CDH11: variants seen among roughly 807,000 people sequenced by gnomAD.
CDH11 encodes cadherin 11.
In CDH11, 11 loss-of-function variants were observed where a neutral mutation model predicts 67.8. The ratio of observed to expected loss-of-function variants is 0.16; its 90% CI spans 0.10 to 0.27. The LOEUF is 0.27. Ranked by LOEUF, CDH11 falls within the 10% of genes least tolerant of loss-of-function variation. The pLI is 1.00. For missense variants in CDH11, 847 were observed against 1,031.2 expected (o/e 0.82, Z 2.45); for synonymous variants, 419 against 400.0 (o/e 1.05, Z -0.57).
At chr16:64,975,826 C>T (rs1470055550) in intron 8 of CDH11, among the ~76,000 whole-genome samples, 1 of 151,916 alleles carries the variant, frequency 6.6e-6, no homozygotes, top group Non-Finnish European at 1.5e-5. Flanking sequence ...CATTAACTAA[C>T]CTACACATGT....
chr16:64,990,926 C>T (rs554479309), intron 6 of CDH11, among the ~76,000 whole-genome samples: 1 of 152,208 alleles, frequency 6.6e-6, no homozygotes, highest in African/African-American at 2.4e-5. Context: ...CTGTATTTTC[C>T]AAAACATGGC....
intron 1 of CDH11, among the ~76,000 whole-genome samples, chr16:65,091,020 T>C (rs1031946816): frequency 1.3e-5 from 2 of 152,250 alleles, no homozygotes; most frequent in African/African-American, 2.4e-5. Context: ...TGCCATAATT[T>C]CTCTACATGC....
chr16:64,991,528 T>C (rs2072628370), intron 6 of CDH11: 1 of 455,840 alleles, frequency 2.2e-6, no homozygotes, highest in African/African-American at 1.9e-5. Context: ...AAAACGATAT[T>C]TTGTTTCCAG....
At chr16:65,072,567 A>G (rs1280016660) in intron 1 of CDH11, among the ~76,000 whole-genome samples, 2 of 152,314 alleles carry the variant, frequency 1.3e-5, no homozygotes, top group Non-Finnish European at 2.9e-5. Flanking sequence ...AGTAAATGAC[A>G]TCATCTATCT....
chr16:64,977,713 T>G (rs1204243163), intron 8 of CDH11, among the ~76,000 whole-genome samples: 1 of 152,182 alleles, frequency 6.6e-6, no homozygotes, highest in African/African-American at 2.4e-5. Context: ...AATCCAGTGT[T>G]CAATACTGAC....
intron 2 of CDH11, among the ~76,000 whole-genome samples, chr16:65,032,035 T>C (rs1252440687): frequency 6.6e-6 from 1 of 152,180 alleles, no homozygotes; most frequent in East Asian, 1.9e-4. Flanking sequence ...AAAATAATTC[T>C]GTCCCATCAT....
Position 65,010,445 on chromosome 16 carries a change from T to G in CDH11, c.-172-5404A>C, listed in dbSNP as rs892665443. 3.9e-5 allele frequency among the ~76,000 whole-genome samples: 6 copies of G among 152,258 alleles called. No homozygotes were observed. In the South Asian group the frequency reaches 1.2e-3, roughly 32 times the overall value. On this transcript the variant is annotated intron_variant, in intron 2 of 12. Transcript: ENST00000268603. ...CACAGAGAATAGGGGAGAAGAAGTA[T>G]TACAAGAATTATTGAGTCACACTTC...
intron 1 of CDH11, among the ~76,000 whole-genome samples, chr16:65,097,658 A>G (rs2074922899): frequency 6.6e-6 from 1 of 152,192 alleles, no homozygotes; most frequent in Admixed American, 6.5e-5. Flanking sequence ...TTTTCTAAAA[A>G]TGTTAAGTAT....
At chr16:64,948,584 A>G in intron 12 of CDH11, 1 of 1,583,790 alleles carries the variant, frequency 6.3e-7, no homozygotes, top group Non-Finnish European at 8.7e-7. Flanking sequence ...TATTGGTCCT[A>G]TACTAACTTA....
At position 64,945,271 on chromosome 16, in the gene CDH11, A is replaced by G. The variant is rs1435856910; in HGVS notation, c.*2332T>C. ...CCAAGTTTCTAAGAGTGTTCTACAA[A>G]CAATAGAGGCTTAACGAAAAAATAA... is the stretch of plus-strand genomic sequence containing the variant. On this transcript the variant is annotated 3_prime_UTR_variant, in exon 13 of 13. Transcript: ENST00000268603. 2 of 424,092 alleles carry G rather than the reference A, an allele frequency of 4.7e-6. No individual in the cohort carries two copies. The highest frequency in any genetic ancestry group is 4.2e-5 in the African/African-American group (2 of 47,746). The allele number at this position is 424,092 out of a possible 1,614,324, so 26.3% of individuals were successfully genotyped here.
Position 64,947,405 on chromosome 16 carries a change from G to A in CDH11, c.*198C>T. 7.6e-7 allele frequency: 1 copy of A among 1,316,606 alleles called. No individual in the cohort carries two copies. Among genetic ancestry groups the A allele is most frequent in the African/African-American group, 1.5e-5 (1 of 67,576 alleles). 81.6% of individuals were successfully genotyped at this position (1,316,606 alleles called of 1,614,324 possible). ...AAGTTGATAAACAACTTCAATATTT[G>A]CCTTTTTGTGAGAAAAGGTATTTCA... On this transcript the variant is annotated 3_prime_UTR_variant, in exon 13 of 13. Coordinates refer to ENST00000268603, the MANE Select transcript of CDH11 (RefSeq NM_001797.4).
chr16:65,055,618 T>C (rs1358009059), intron 1 of CDH11, among the ~76,000 whole-genome samples: 3 of 152,188 alleles, frequency 2.0e-5, no homozygotes, highest in Non-Finnish European at 2.9e-5. Context: ...CCATACTGAT[T>C]GTGTCTCAGA....
chr16:64,997,267 T>C (rs1398155862), intron 4 of CDH11, among the ~76,000 whole-genome samples: 1 of 149,598 alleles, frequency 6.7e-6, no homozygotes, highest in Non-Finnish European at 1.5e-5. Flanking sequence ...ATTACGGCAC[T>C]CCAGCCTGAG....
chr16:65,002,917 ATTTTCTTT>A (rs2072955002), intron 3 of CDH11, among the ~76,000 whole-genome samples: 1 of 141,752 alleles, frequency 7.1e-6, no homozygotes, highest in Non-Finnish European at 1.5e-5. Flanking sequence ...TCTATTATTC[ATTTTCTTT>A]TTTTCTTTTT....
chr16:65,027,662 G>T (rs893637957), intron 2 of CDH11, among the ~76,000 whole-genome samples: 1 of 152,190 alleles, frequency 6.6e-6, no homozygotes, highest in Admixed American at 6.5e-5. Context: ...AGAAAGGCTT[G>T]CCCTTGTATC....
rs2072019617 is a variant in CDH11 at position 64,972,039 on chromosome 16, G to A, written c.1416C>T (p.Val472=). The change falls in exon 10 of 13, where the codon GTC becomes GTT. Residue 472 remains valine (V), a synonymous_variant. Transcript: ENST00000268603. ...CATCAAGGACCCTAATGGCCACTGG[G>A]ACTTTGGCTTCCTGATGCCGATTGT... ...EIHNRHQEAK[V]PVAIRVLDVN... 1.2e-6 allele frequency: 2 copies of A among 1,613,784 alleles called. No homozygotes were observed. The highest frequency in any genetic ancestry group is 1.7e-6 in the Non-Finnish European group (2 of 1,179,714).
intron 2 of CDH11, among the ~76,000 whole-genome samples, chr16:65,011,041 ATGTATATATGTATATATATCATG>A (rs1453025476): frequency 1.4e-4 from 21 of 146,366 alleles, no homozygotes; most frequent in Non-Finnish European, 2.4e-4. Flanking sequence ...ACATATGTAT[ATGTATATATGTATATATATCATG>A]TGTATATATG....
chr16:64,975,505 T>C (rs981750003), intron 8 of CDH11, among the ~76,000 whole-genome samples: 14 of 152,094 alleles, frequency 9.2e-5, no homozygotes, highest in Non-Finnish European at 1.6e-4. Context: ...ACAGAGGAAA[T>C]GGAATCCTAG....
At chr16:65,122,148 G>GGGGGGGGGGGGGGGT (rs2075346390), upstream of CDH11, 2 of 323,844 alleles carry the variant, frequency 6.2e-6, no homozygotes, top group East Asian at 2.2e-4. Flanking sequence ...GGGGGGGCGG[G>GGGGGGGGGGGGGGGT]AGGAGGGAGG....
Sources: gnomAD v4.1 joint callset for allele counts (sites outside exome capture counted in the v4.1 genomes callset) on GRCh38, gnomAD v4.1.1 for gene constraint, MANE v1.5 for transcripts, NCBI Gene and HGNC (gene_info 2026-07-23, HGNC 2026-07-21) for gene names.